C12orf56: variants seen among roughly 807,000 people sequenced by gnomAD.
C12orf56 encodes the protein uncharacterized protein C12orf56.
In C12orf56, 71 loss-of-function variants were observed where a neutral mutation model predicts 69.9. That is an observed-to-expected ratio of 1.02 (90% confidence interval 0.84 to 1.24). C12orf56 has a LOEUF of 1.24. C12orf56 is among the 50% of genes most tolerant of loss of function. The pLI, the probability that C12orf56 is intolerant of heterozygous loss-of-function variation, is 0.00. For missense variants in C12orf56, 732 were observed against 738.5 expected (o/e 0.99, Z 0.10); for synonymous variants, 276 against 274.1 (o/e 1.01, Z -0.07).
intron 12 of C12orf56, chr12:64,267,497 A>G (rs1263245598): frequency 3.6e-6 from 2 of 554,302 alleles, no homozygotes; most frequent in South Asian, 2.2e-5. Context: ...AATCTCCCCC[A>G]TTTGTGACCT....
intron 1 of C12orf56, among the ~76,000 whole-genome samples, chr12:64,358,050 G>A (rs11175358): frequency 0.15 from 23,051 of 152,146 alleles, 2,263 homozygotes; most frequent in Middle Eastern, 0.23. Context: ...GTAAAAGGAG[G>A]GATGATGACA....
intron 2 of C12orf56, among the ~76,000 whole-genome samples, chr12:64,351,491 G>A (rs563677211): frequency 3.9e-4 from 60 of 152,258 alleles, no homozygotes; most frequent in Non-Finnish European, 6.0e-4. Context: ...GCCAAGCTTC[G>A]CAATTCATGG....
chr12:64,367,304 T>TATATATAATATACAGTTTATATA (rs1565777893), intron 1 of C12orf56, among the ~76,000 whole-genome samples: 8 of 141,822 alleles, frequency 5.6e-5, no homozygotes, highest in Non-Finnish European at 3.0e-5. Flanking sequence ...GTTTATATAT[T>TATATATAATATACAGTTTATATA]ATATATAATA....
chr12:64,386,399 T>TATCTATA (rs1555196189), intron 1 of C12orf56, among the ~76,000 whole-genome samples: 1 of 81,502 alleles, frequency 1.2e-5, no homozygotes, highest in Admixed American at 1.3e-4. Flanking sequence ...TATATATATA[T>TATCTATA]TTTTTTTTTT....
chr12:64,287,258 A>AGAAGAAGAAGAAGAAGAAGAAG (rs566773723), intron 6 of C12orf56, among the ~76,000 whole-genome samples: 85 of 132,250 alleles, frequency 6.4e-4, no homozygotes, highest in African/African-American at 2.3e-3. Context: ...AAAAAAAAAA[A>AGAAGAAGAAGAAGAAGAAGAAG]AAAAAGAAGA....
chr12:64,386,418 C>T (rs1244558823), intron 1 of C12orf56, among the ~76,000 whole-genome samples: 5 of 116,470 alleles, frequency 4.3e-5, no homozygotes, highest in East Asian at 2.7e-4. Context: ...TTTTTTGAGA[C>T]GGAGTTCCAC....
At chr12:64,356,170 C>CAAAAAAAAAAA (rs761289428) in intron 1 of C12orf56, among the ~76,000 whole-genome samples, 3 of 48,428 alleles carry the variant, frequency 6.2e-5, no homozygotes, top group African/African-American at 2.8e-4. Flanking sequence ...GACTCCATCT[C>CAAAAAAAAAAA]AAAAAAAAAA....
chr12:64,271,627 T>C (rs2037992060), intron 11 of C12orf56, among the ~76,000 whole-genome samples: 1 of 152,174 alleles, frequency 6.6e-6, no homozygotes, highest in Non-Finnish European at 1.5e-5. Flanking sequence ...GGCCCTTCCC[T>C]ACAGGTAGGG....
At chr12:64,375,291 G>A (rs1431024582) in intron 1 of C12orf56, among the ~76,000 whole-genome samples, 1 of 152,120 alleles carries the variant, frequency 6.6e-6, no homozygotes, top group Non-Finnish European at 1.5e-5. Context: ...CTGGCCTCAA[G>A]TGATTCACCT....
At chr12:64,352,850 T>C in intron 2 of C12orf56, 44 bp downstream of exon 2, 2 of 930,608 alleles carry the variant, frequency 2.1e-6, no homozygotes, top group East Asian at 4.1e-5. Context: ...ATATATATAC[T>C]TTTTTTTTTG....
At chr12:64,369,342 C>G (rs931742075) in intron 1 of C12orf56, among the ~76,000 whole-genome samples, 1 of 152,046 alleles carries the variant, frequency 6.6e-6, no homozygotes, top group East Asian at 1.9e-4. Context: ...GGATTACAGG[C>G]ATGTGCCACC....
chr12:64,272,574 T>A (rs2038003983), intron 11 of C12orf56, among the ~76,000 whole-genome samples: 1 of 71,450 alleles, frequency 1.4e-5, no homozygotes, highest in African/African-American at 3.6e-5. Context: ...AGTAAAAAAA[T>A]AAAAATAAAA....
intron 6 of C12orf56, among the ~76,000 whole-genome samples, chr12:64,297,626 A>G (rs939747542): frequency 6.6e-5 from 10 of 152,210 alleles, no homozygotes; most frequent in Admixed American, 4.6e-4. Context: ...GAATGAGAAC[A>G]TGCAGAACAT....
Position 64,266,374 on chromosome 12 carries a change from G to T in C12orf56, c.*809C>A. On this transcript the variant is annotated 3_prime_UTR_variant, in exon 13 of 13. Coordinates refer to ENST00000543942, the MANE Select transcript of C12orf56 (RefSeq NM_001170633.2). ...AGCACCACTTTATGTATGTCAGAAT[G>T]GATGTAGGTTTCTTTGTAGCAGATT... The T allele has an allele frequency of 4.6e-6, 1 of 218,530 alleles. No individual in the cohort carries two copies. The allele number at this position is 218,530 out of a possible 1,614,324, so 13.5% of individuals were successfully genotyped here.
rs1332196381 is a variant in C12orf56, at chr12:64,308,972, AAAAGAAAG to A, written c.968+3699_968+3706del. 1.4e-3 allele frequency among the ~76,000 whole-genome samples: 110 copies of A among 77,376 alleles called. 2 individuals are homozygous for A. Among genetic ancestry groups the A allele is most frequent in the South Asian group, 2.6e-3 (6 of 2,312 alleles). 50.8% of individuals were successfully genotyped at this position (77,376 alleles called of 152,430 possible). On this transcript the variant is annotated intron_variant, in intron 5 of 12. Transcript: ENST00000543942. The stretch of plus-strand genomic sequence containing the variant: ...GAAAGAAAGAAAGAAAGAAAGAAAG[AAAAGAAAG>A]AAAGAAAAGAAAGAAGGAAAGAAAG...
Position 64,312,696 on chromosome 12 carries a change from T to A in C12orf56, c.951A>T (p.Gly317=). 2 of 1,536,210 alleles carry A rather than the reference T, an allele frequency of 1.3e-6. No individual in the cohort carries two copies. Among genetic ancestry groups the A allele is most frequent in the Non-Finnish European group, 1.7e-6 (2 of 1,146,010 alleles). The change falls in exon 5 of 13, where the codon GGA becomes GGT. Residue 317 remains glycine (G), a synonymous_variant. Coordinates refer to ENST00000543942, the MANE Select transcript of C12orf56 (RefSeq NM_001170633.2). ...CTTCTTACCTATATGGCTTTTGACT[T>A]CCAATAGCAGGACTGAACTCACTAG... ...FYASEFSPAI[G]SQKPYRSEEK... is the part of the protein sequence containing the mutation.
At chr12:64,387,586 G>A (rs577001369) in intron 1 of C12orf56, among the ~76,000 whole-genome samples, 30 of 152,242 alleles carry the variant, frequency 2.0e-4, no homozygotes, top group Non-Finnish European at 4.1e-4. Context: ...ACTTTGGGAG[G>A]CCAAGGTGGG....
intron 4 of C12orf56, among the ~76,000 whole-genome samples, 190 bp downstream of exon 4, chr12:64,318,384 AT>A (rs2038716806): frequency 6.6e-6 from 1 of 152,082 alleles, no homozygotes; most frequent in East Asian, 1.9e-4. Context: ...ATTAATGAGC[AT>A]TTTTCCCTAT....
intron 8 of C12orf56, among the ~76,000 whole-genome samples, chr12:64,278,279 C>A (rs1363358915): frequency 6.6e-6 from 1 of 152,106 alleles, no homozygotes; most frequent in Non-Finnish European, 1.5e-5. Flanking sequence ...ATCTCTGGGA[C>A]AAAGCAACAG....
Sources: gnomAD v4.1 joint callset for allele counts (sites outside exome capture counted in the v4.1 genomes callset) on GRCh38, gnomAD v4.1.1 for gene constraint, MANE v1.5 for transcripts, NCBI Gene and HGNC (gene_info 2026-07-23, HGNC 2026-07-21) for gene names.